Variants in GRID2 observed in about 807,000 individuals in gnomAD.
GRID2 encodes the protein glutamate ionotropic receptor delta type subunit 2.
A neutral mutation model predicts 114.8 loss-of-function variants in GRID2; 33 were observed. The ratio of observed to expected loss-of-function variants is 0.29; its 90% CI spans 0.22 to 0.38. The LOEUF is 0.38. Among genes scored for constraint, GRID2 ranks in the 10% least tolerant of loss-of-function variants. GRID2 has a pLI of 1.00. For synonymous variants in GRID2, 505 were observed against 449.9 expected, an observed-to-expected ratio of 1.12 and a Z score of -1.55; for missense variants, 1,184 against 1,257.7, an observed-to-expected ratio of 0.94 and a Z score of 0.89.
At chr4:93,295,741 G>T (rs994038389) in intron 8 of GRID2, among the ~76,000 whole-genome samples, 4 of 152,080 alleles carry the variant, frequency 2.6e-5, no homozygotes, top group Non-Finnish European at 4.4e-5. Flanking sequence ...CTCTTTTAAT[G>T]TCAATTATTT....
rs564366428 is a variant in GRID2, at chr4:93,321,196, A to G, written c.1246-74411A>G. Among the ~76,000 whole-genome samples the G allele has an allele frequency of 1.2e-3, 179 of 152,138 alleles. 1 individual carries two copies. Among genetic ancestry groups the G allele is most frequent in the African/African-American group, 4.0e-3 (166 of 41,526 alleles). The stretch of plus-strand genomic sequence containing the variant: ...ACACGGAATTCTTGGCAGCTGGGAG[A>G]ATAAGATTTTTAATCCTGAGAAGGG... On this transcript the variant is annotated intron_variant, in intron 8 of 15. Transcript: ENST00000282020.
intron 4 of GRID2, among the ~76,000 whole-genome samples, chr4:93,180,417 C>A (rs1739778686): frequency 6.6e-6 from 1 of 152,052 alleles, no homozygotes; most frequent in East Asian, 1.9e-4. Context: ...AGAGTCTTGC[C>A]AGGATATTGA....
At chr4:92,615,240 C>T (rs1729952700) in intron 2 of GRID2, among the ~76,000 whole-genome samples, 1 of 151,454 alleles carries the variant, frequency 6.6e-6, no homozygotes, top group African/African-American at 2.4e-5. Context: ...AAACACAAAG[C>T]ATGAAAACCC....
intron 8 of GRID2, among the ~76,000 whole-genome samples, chr4:93,323,485 C>T (rs1429238556): frequency 6.6e-6 from 1 of 152,222 alleles, no homozygotes; most frequent in Non-Finnish European, 1.5e-5. Flanking sequence ...TAGTGTGATG[C>T]CTCCAGCTTT....
At chr4:93,771,982 T>C (rs2110340510) in intron 15 of GRID2, 94 bp from the exon 16 acceptor site, 1 of 725,442 alleles carries the variant, frequency 1.4e-6, no homozygotes, top group East Asian at 2.5e-5. Context: ...ACCCCAAAGT[T>C]CAGTTAATTA....
At chr4:93,619,920 A>G (rs1742057767) in intron 13 of GRID2, among the ~76,000 whole-genome samples, 1 of 152,204 alleles carries the variant, frequency 6.6e-6, no homozygotes, top group South Asian at 2.1e-4. Flanking sequence ...GGCAAAGGCT[A>G]TTCTATGTCA....
chr4:92,317,414 A>G (rs1726050611), intron 1 of GRID2, among the ~76,000 whole-genome samples: 1 of 152,228 alleles, frequency 6.6e-6, no homozygotes, highest in Non-Finnish European at 1.5e-5. Flanking sequence ...GAAAACATTG[A>G]AAACTGAACA....
chr4:93,273,200 T>C (rs1158868517), intron 8 of GRID2, among the ~76,000 whole-genome samples: 1 of 152,256 alleles, frequency 6.6e-6, no homozygotes, highest in Non-Finnish European at 1.5e-5. Context: ...TTTCTATTTA[T>C]GGAATGCCTA....
At chr4:92,516,328 A>G (rs1724499865) in intron 1 of GRID2, among the ~76,000 whole-genome samples, 1 of 151,888 alleles carries the variant, frequency 6.6e-6, no homozygotes, top group African/African-American at 2.4e-5. Flanking sequence ...TCTAGGAGTA[A>G]CTTTGTAGGC....
chr4:92,764,392 C>T (rs1452367321), intron 2 of GRID2, among the ~76,000 whole-genome samples: 1 of 152,106 alleles, frequency 6.6e-6, no homozygotes, highest in Non-Finnish European at 1.5e-5. Flanking sequence ...AAGCTCAAGC[C>T]CAAGGACTTA....
At chr4:93,703,506 T>A (rs1009956434) in intron 14 of GRID2, among the ~76,000 whole-genome samples, 5 of 152,140 alleles carry the variant, frequency 3.3e-5, no homozygotes, top group African/African-American at 9.7e-5. Flanking sequence ...TATTTTTTTT[T>A]ATATGTACTT....
chr4:92,889,159 A>T (rs1746572158), intron 2 of GRID2, among the ~76,000 whole-genome samples: 1 of 152,170 alleles, frequency 6.6e-6, no homozygotes, highest in Admixed American at 6.5e-5. Context: ...AAAAGTATTT[A>T]AGAGAAAGTA....
chr4:92,698,533 C>A (rs1050060138), intron 2 of GRID2, among the ~76,000 whole-genome samples: 1 of 151,448 alleles, frequency 6.6e-6, no homozygotes, highest in Non-Finnish European at 1.5e-5. Flanking sequence ...TATGACTTAA[C>A]TGTATATAAT....
At chr4:92,675,614 G>A (rs983456998) in intron 2 of GRID2, among the ~76,000 whole-genome samples, 1 of 150,060 alleles carries the variant, frequency 6.7e-6, no homozygotes, top group African/African-American at 2.5e-5. Context: ...GCAGAGGCAC[G>A]ATCTTGGCTC....
chr4:93,424,913 G>A (rs970012895), intron 10 of GRID2, among the ~76,000 whole-genome samples: 2 of 152,034 alleles, frequency 1.3e-5, no homozygotes, highest in Non-Finnish European at 2.9e-5. Context: ...CTGCCTTCAA[G>A]TTTACTGATA....
At chr4:92,422,566 A>G (rs2110326681) in intron 1 of GRID2, among the ~76,000 whole-genome samples, 1 of 152,184 alleles carries the variant, frequency 6.6e-6, no homozygotes, top group African/African-American at 2.4e-5. Flanking sequence ...ATGAAATCAC[A>G]GGGAATTGAA....
At chr4:93,226,308 T>C in intron 7 of GRID2, among the ~76,000 whole-genome samples, 1 of 152,090 alleles carries the variant, frequency 6.6e-6, no homozygotes, top group Admixed American at 6.6e-5. Flanking sequence ...CTGCCAGCTG[T>C]GAAACTATGA....
chr4:92,886,430 T>C (rs1468999356), intron 2 of GRID2, among the ~76,000 whole-genome samples: 3 of 151,924 alleles, frequency 2.0e-5, no homozygotes, highest in African/African-American at 7.3e-5. Flanking sequence ...GCCAAAAACT[T>C]TCAGTTAGTA....
At chr4:92,395,607 A>G (rs549090120) in intron 1 of GRID2, among the ~76,000 whole-genome samples, 13 of 151,836 alleles carry the variant, frequency 8.6e-5, no homozygotes, top group African/African-American at 2.4e-4. Flanking sequence ...TCTTGCCCCG[A>G]TATATTTATT....
Sources: allele counts gnomAD v4.1 joint callset (sites outside exome capture counted in the v4.1 genomes callset), GRCh38; gene constraint gnomAD v4.1.1; transcripts MANE v1.5; gene names NCBI Gene and HGNC (gene_info 2026-07-23, HGNC 2026-07-21).